SLC25A18: variants seen among roughly 807,000 people sequenced by gnomAD.
SLC25A18 encodes solute carrier family 25 member 18, also known as mitochondrial glutamate carrier 2.
In SLC25A18, 24 loss-of-function variants were observed where a neutral mutation model predicts 31.1. The ratio of observed to expected loss-of-function variants is 0.77; its 90% CI spans 0.56 to 1.08. The LOEUF is 1.08. SLC25A18 is among the 50% of genes least tolerant of loss of function. The pLI, the probability that SLC25A18 is intolerant of heterozygous loss-of-function variation, is 0.00. For synonymous variants in SLC25A18, 173 were observed against 161.9 expected, an observed-to-expected ratio of 1.07 and a Z score of -0.52; for missense variants, 371 against 418.5, an observed-to-expected ratio of 0.89 and a Z score of 0.99.
At chr22:17,571,165 C>T (rs115494707) in intron 2 of SLC25A18, among the ~76,000 whole-genome samples, 1,991 of 152,272 alleles carry the variant, frequency 0.013, 31 homozygotes, top group African/African-American at 0.033. Flanking sequence ...GCAGCCCCCG[C>T]GCCCTTTCAC....
Position 17,563,570 on chromosome 22 carries a change from CAATG to C in SLC25A18, c.-404_-401del, listed in dbSNP as rs1428127525. ...TAAAGCTGGACAGAATTTTTAAAAG[CAATG>C]AAGCCAGTTCCTTGGATATATCCAC... is the stretch of plus-strand genomic sequence containing the variant. On this transcript the variant is annotated 5_prime_UTR_variant, in exon 1 of 11. It removes an upstream start codon present in the reference 5' UTR. Coordinates refer to ENST00000327451, the MANE Select transcript of SLC25A18 (RefSeq NM_031481.3). 1 of 646,410 alleles carries C rather than the reference CAATG, an allele frequency of 1.5e-6. No individual in the cohort carries two copies. Among genetic ancestry groups the C allele is most frequent in the African/African-American group, 2.0e-5 (1 of 50,766 alleles). 40.0% of individuals were successfully genotyped at this position (646,410 alleles called of 1,614,324 possible).
Position 17,579,872 on chromosome 22 carries a change from C to A in SLC25A18, c.-73C>A. ...AGCCAAGGAAGCTTCCACTTCTTCC[C>A]CCAGACAGCCCCAACAGCGGCTACC... On this transcript the variant is annotated 5_prime_UTR_variant, in exon 3 of 11. Transcript: ENST00000327451. 1 of 1,565,328 alleles carries A rather than the reference C, an allele frequency of 6.4e-7. No homozygotes were observed. Among genetic ancestry groups the A allele is most frequent in the East Asian group, 2.3e-5 (1 of 42,778 alleles).
intron 1 of SLC25A18, among the ~76,000 whole-genome samples, chr22:17,568,041 T>A (rs2056981774): frequency 6.6e-6 from 1 of 151,916 alleles, no homozygotes; most frequent in Non-Finnish European, 1.5e-5. Context: ...GATTGGCTAG[T>A]AACTTACAAC....
Position 17,568,555 on chromosome 22 carries a change from C to CTTTTTT in SLC25A18, c.-263-1348_-263-1343dup, listed in dbSNP as rs695361. ...TGGGAGCCGAGAATATAAAGTACATCTTTTTTTTTTTTTTTTTTTTTTTTT... is the reference window on the plus strand; with the variant it reads ...TGGGAGCCGAGAATATAAAGTACATCTTTTTTTTTTTTTTTTTTTTTTTTTTTTTTT... On this transcript the variant is annotated intron_variant, in intron 1 of 10. Transcript: ENST00000327451. Among the ~76,000 whole-genome samples the CTTTTTT allele has an allele frequency of 7.2e-4, 45 of 62,550 alleles. 5 individuals are homozygous for CTTTTTT. Among genetic ancestry groups the CTTTTTT allele is most frequent in the African/African-American group, 2.7e-3 (38 of 14,214 alleles). The allele number at this position is 62,550 out of a possible 152,430, so 41.0% of individuals were successfully genotyped here. A position where few individuals can be genotyped will look rare whatever the true frequency, so the allele number is the denominator to read the frequency against.
rs2057569756 is a variant in SLC25A18, at chr22:17,587,049, CA to C, written c.410-86del. 4.1e-6 allele frequency: 6 copies of C among 1,479,436 alleles called. No individual in the cohort carries two copies. In the South Asian group the frequency reaches 5.0e-5, roughly 12 times the overall value. The allele number at this position is 1,479,436 out of a possible 1,614,324, so 91.6% of individuals were successfully genotyped here. ...TGTCAGCCTGGCCTCTGAACTGTCCCAGGGGCAGGGATTGAGAGCCACACTC... is the reference window on the plus strand; with the variant it reads ...TGTCAGCCTGGCCTCTGAACTGTCCCGGGGCAGGGATTGAGAGCCACACTC... On this transcript the variant is annotated intron_variant, in intron 7 of 10. Coordinates refer to ENST00000327451, the MANE Select transcript of SLC25A18 (RefSeq NM_031481.3).
intron 9 of SLC25A18, 191 bp downstream of exon 9, chr22:17,588,270 G>A (rs1361534113): frequency 6.8e-6 from 4 of 589,300 alleles, no homozygotes; most frequent in East Asian, 3.0e-5. Flanking sequence ...CACATCCCTC[G>A]CCTTCAAGAT....
intron 1 of SLC25A18, among the ~76,000 whole-genome samples, chr22:17,565,150 G>T (rs1054130057): frequency 6.6e-6 from 1 of 151,910 alleles, no homozygotes; most frequent in Non-Finnish European, 1.5e-5. Flanking sequence ...CACAATCTCG[G>T]TTCACTGTAA....
chr22:17,578,656 C>G (rs1036369831), intron 2 of SLC25A18, among the ~76,000 whole-genome samples: 1 of 152,208 alleles, frequency 6.6e-6, no homozygotes, highest in African/African-American at 2.4e-5. Context: ...TCTGGCCAGG[C>G]ATGGTGGCTC....
chr22:17,568,625 G>C (rs390819), intron 1 of SLC25A18, among the ~76,000 whole-genome samples: 70,009 of 134,446 alleles, frequency 0.52, 18,874 homozygotes, highest in African/African-American at 0.69. Context: ...GCAGTGGTGC[G>C]ATCTCGGCTC....
At chr22:17,574,885 T>C (rs1374460992) in intron 2 of SLC25A18, among the ~76,000 whole-genome samples, 8 of 133,100 alleles carry the variant, frequency 6.0e-5, no homozygotes, top group Admixed American at 4.9e-4. Flanking sequence ...GGAGTCTCGC[T>C]CTGTCGCCCA....
At position 17,590,141 on chromosome 22, in the gene SLC25A18, G is replaced by C; in HGVS notation, c.853G>C (p.Gly285Arg). 1 of 1,614,244 alleles carries C rather than the reference G, an allele frequency of 6.2e-7. No individual in the cohort carries two copies. ...EGPSAFMKGA[G>R]CRALVIAPLF... ...ACCATCTGCCTTCATGAAAGGCGCT[G>C]GCTGCCGGGCACTGGTCATAGCACC... The change falls in exon 11 of 11, where the codon GGC becomes CGC. Residue 285 changes from glycine (G) to arginine (R), a missense_variant. Transcript: ENST00000327451.
At chr22:17,564,942 G>A (rs999935568) in intron 1 of SLC25A18, among the ~76,000 whole-genome samples, 4 of 151,830 alleles carry the variant, frequency 2.6e-5, no homozygotes, top group African/African-American at 9.7e-5. Flanking sequence ...GGTTGATGGT[G>A]TGCACCTGTG....
At chr22:17,569,884 G>C (rs2057042236) in intron 1 of SLC25A18, 40 bp from the exon 2 acceptor site, 2 of 985,412 alleles carry the variant, frequency 2.0e-6, no homozygotes, top group Non-Finnish European at 2.4e-6. Flanking sequence ...GGGAAAACCA[G>C]TCCAAGCTGG....
intron 2 of SLC25A18, among the ~76,000 whole-genome samples, chr22:17,574,874 T>C (rs1320963013): frequency 2.7e-5 from 4 of 148,972 alleles, no homozygotes; most frequent in Non-Finnish European, 5.9e-5. Flanking sequence ...TTTTTTGAGA[T>C]GGAGTCTCGC....
At chr22:17,589,561 CTACT>C (rs1190407014) in intron 9 of SLC25A18, 25 bp from the exon 10 acceptor site, 15 of 1,604,978 alleles carry the variant, frequency 9.3e-6, no homozygotes, top group Middle Eastern at 1.6e-4. Flanking sequence ...AAGCTGTTCA[CTACT>C]TACTTTAACT....
At chr22:17,565,409 G>T (rs1281441374) in intron 1 of SLC25A18, among the ~76,000 whole-genome samples, 1 of 151,912 alleles carries the variant, frequency 6.6e-6, no homozygotes, top group Admixed American at 6.6e-5. Context: ...TAGAGATAGG[G>T]TCTTGCCAAG....
chr22:17,570,389 A>T (rs936224010), intron 2 of SLC25A18: 1 of 152,298 alleles, frequency 6.6e-6, no homozygotes, highest in African/African-American at 2.4e-5. Flanking sequence ...CAGTCTCGTG[A>T]CAAGTCTGAC....
Position 17,579,764 on chromosome 22 carries a change from A to G in SLC25A18, c.-181A>G. 4 of 1,406,278 alleles carry G rather than the reference A, an allele frequency of 2.8e-6. No homozygotes were observed. Among genetic ancestry groups the G allele is most frequent in the Non-Finnish European group, 3.7e-6 (4 of 1,080,932 alleles). The allele number at this position is 1,406,278 out of a possible 1,614,324, so 87.1% of individuals were successfully genotyped here. ...TTGCAGGGGAGGAAGCCGCAGCCCAAGGAGGTCGTCACTTGCCGGGAAGGT... is the reference window on the plus strand; with the variant it reads ...TTGCAGGGGAGGAAGCCGCAGCCCAGGGAGGTCGTCACTTGCCGGGAAGGT... On this transcript the variant is annotated 5_prime_UTR_variant, in exon 3 of 11. Coordinates refer to ENST00000327451, the MANE Select transcript of SLC25A18 (RefSeq NM_031481.3).
At chr22:17,570,678 G>C (rs1267136723) in intron 2 of SLC25A18, among the ~76,000 whole-genome samples, 1 of 152,066 alleles carries the variant, frequency 6.6e-6, no homozygotes, top group Non-Finnish European at 1.5e-5. Context: ...TAGAGATGGG[G>C]CTTCAGCATG....
Sources: allele counts gnomAD v4.1 joint callset (sites outside exome capture counted in the v4.1 genomes callset), GRCh38; gene constraint gnomAD v4.1.1; transcripts MANE v1.5; gene names NCBI Gene and HGNC (gene_info 2026-07-23, HGNC 2026-07-21).